The following HPS1 variants were observed in gnomAD, a reference collection of about 807,000 sequenced individuals.
HPS1 encodes BLOC-3 complex member HPS1.
In HPS1, 59 loss-of-function variants were observed where a neutral mutation model predicts 90.6. The observed-to-expected ratio is 0.65, with a 90% confidence interval of 0.53 to 0.81. HPS1 has a LOEUF of 0.81. Ranked by LOEUF, HPS1 falls within the 30% of genes least tolerant of loss-of-function variation. The pLI, the probability that HPS1 is intolerant of heterozygous loss-of-function variation, is 0.00. For synonymous variants in HPS1, 388 were observed against 384.4 expected, an observed-to-expected ratio of 1.01 and a Z score of -0.11; for missense variants, 849 against 896.7, an observed-to-expected ratio of 0.95 and a Z score of 0.68.
At position 98,435,382 on chromosome 10, in the gene HPS1, A is replaced by C; in HGVS notation, c.288T>G (p.Gly96=). Residue 96 remains glycine (G), a synonymous_variant, in exon 5 of 20, where the codon GGT becomes GGG. Transcript: ENST00000361490. The surrounding 1 kb of genome is among the most constrained non-coding windows in gnomAD (Gnocchi z 4.3). ...GGTCCCCCTCGCTCTCGGTGTGGTC[A>C]CCATTGATGGCAATGAACAGGCATT... The part of the protein sequence containing the change: ...FGECLFIAIN[G]DHTESEGDLR... 2 of 1,613,826 alleles carry C rather than the reference A, an allele frequency of 1.2e-6. No individual in the cohort carries two copies. The highest frequency in any genetic ancestry group is 1.7e-6 in the Non-Finnish European group (2 of 1,179,972).
intron 7 of HPS1, 36 bp from the exon 8 acceptor site, chr10:98,430,706 T>C (rs1175999146): frequency 1.3e-6 from 2 of 1,518,096 alleles, no homozygotes; most frequent in South Asian, 1.2e-5. Context: ...CATCAGCACA[T>C]GCCCAGCAGG....
chr10:98,415,258 G>A (rs1843972947), downstream of HPS1: 2 of 1,291,712 alleles, frequency 1.5e-6, no homozygotes, highest in Admixed American at 2.4e-5. Flanking sequence ...CCCCCTCCAG[G>A]CCCCCTCCAC....
chr10:98,443,166 ACT>A lies in HPS1; in HGVS notation c.73_74del (p.Leu26ProfsTer10). Reference sequence around the variant, plus strand: ...CTGACTGCCCGAACTTCAGCCGGAGACTCTCTTCAAACTCCTGATCTGTCCAG... The same window carrying A: ...CTGACTGCCCGAACTTCAGCCGGAGACTCTTCAAACTCCTGATCTGTCCAG... ...FYWTDQEFEE[S>X]LRLKFGQSEN... On this transcript the variant is annotated frameshift_variant, in exon 3 of 20. Coordinates refer to ENST00000361490, the MANE Select transcript of HPS1 (RefSeq NM_000195.5). LOFTEE classifies it high-confidence loss of function. 6.2e-7 allele frequency: 1 copy of A among 1,613,210 alleles called. No individual in the cohort carries two copies. Among genetic ancestry groups the A allele is most frequent in the Non-Finnish European group, 8.5e-7 (1 of 1,179,794 alleles).
chr10:98,442,199 C>T (rs1213159731), intron 3 of HPS1, among the ~76,000 whole-genome samples: 1 of 152,148 alleles, frequency 6.6e-6, no homozygotes, highest in Non-Finnish European at 1.5e-5. Context: ...AATAATTATG[C>T]TGAGTGAAAG....
At chr10:98,434,159 G>T in intron 5 of HPS1, 68 bp from the exon 6 acceptor site, 1 of 1,466,218 alleles carries the variant, frequency 6.8e-7, no homozygotes, top group African/African-American at 1.4e-5. Context: ...CCCAACCAAA[G>T]GACCACAGTC....
downstream of HPS1, among the ~76,000 whole-genome samples, chr10:98,415,673 G>A (rs569114665): frequency 5.3e-5 from 8 of 152,362 alleles, no homozygotes; most frequent in African/African-American, 1.2e-4. Flanking sequence ...CGCCCAGGGC[G>A]GCCATCTAGC....
Position 98,421,135 on chromosome 10 carries a change from A to G in HPS1, c.1744-977T>C, listed in dbSNP as rs567940452. Among the ~76,000 whole-genome samples the G allele has an allele frequency of 1.1e-4, 16 of 152,244 alleles. No homozygotes were observed. The South Asian group carries it at 3.3e-3, about 32-fold the overall frequency. ...AGAGACTCGAGGAGCCCTCTCCTCT[A>G]CCCTTAACGGGAGGGACAGGCGATC... On this transcript the variant is annotated intron_variant, in intron 17 of 19. Coordinates refer to ENST00000361490, the MANE Select transcript of HPS1 (RefSeq NM_000195.5).
intron 3 of HPS1, among the ~76,000 whole-genome samples, chr10:98,438,387 A>T (rs1937763172): frequency 6.6e-6 from 1 of 152,228 alleles, no homozygotes; most frequent in African/African-American, 2.4e-5. Context: ...TGGACAATGA[A>T]GTCCAGGCTG....
chr10:98,434,284 C>T (rs10883095), intron 5 of HPS1, among the ~76,000 whole-genome samples, 193 bp from the exon 6 acceptor site: 1 of 151,856 alleles, frequency 6.6e-6, no homozygotes. Context: ...GGCACGGAGC[C>T]GGAAGGCAGG....
At chr10:98,423,956 C>T in intron 14 of HPS1, 69 bp from the exon 15 acceptor site, 1 of 1,585,354 alleles carries the variant, frequency 6.3e-7, no homozygotes, top group South Asian at 1.1e-5. Flanking sequence ...GTGTGGACCA[C>T]CTTGTTCCTG....
At chr10:98,433,870 T>C in intron 6 of HPS1, 113 bp downstream of exon 6, 3 of 1,446,568 alleles carry the variant, frequency 2.1e-6, no homozygotes, top group Non-Finnish European at 2.8e-6. Flanking sequence ...ATACACGAGT[T>C]TCAGGGGCTG....
At chr10:98,423,969 C>T in intron 14 of HPS1, 82 bp from the exon 15 acceptor site, 4 of 1,561,478 alleles carry the variant, frequency 2.6e-6, no homozygotes, top group Non-Finnish European at 3.5e-6. Context: ...TGTTCCTGCA[C>T]CCAGGACAGA....
At chr10:98,424,738 G>A (rs1845372503) in intron 13 of HPS1, among the ~76,000 whole-genome samples, 1 of 152,138 alleles carries the variant, frequency 6.6e-6, no homozygotes, top group African/African-American at 2.4e-5. Context: ...GGAGGGTATG[G>A]GGTGGGCATG....
At chr10:98,426,745 AGTGTGTGTGTGTGT>A (rs58431822) in intron 11 of HPS1, among the ~76,000 whole-genome samples, 1 of 147,806 alleles carries the variant, frequency 6.8e-6, no homozygotes, top group Non-Finnish European at 1.5e-5. Flanking sequence ...GTACATATGT[AGTGTGTGTGTGTGT>A]GTGTGTGTGT....
rs548033666 is a variant in HPS1 at position 98,430,659 on chromosome 10, C to A, written c.680G>T (p.Ser227Ile). ...AAGCAGGTCGGCCGGGCGCAGGGAGCTGGCACTGTGGCTGCAGACACAGGA... is the reference window on the plus strand; with the variant it reads ...AAGCAGGTCGGCCGGGCGCAGGGAGATGGCACTGTGGCTGCAGACACAGGA... ...LLAFYSSHSA[S>I]SLRPADLLAL... is the part of the protein sequence containing the mutation. Residue 227 changes from serine to isoleucine, a missense_variant, in exon 8 of 20, where the codon AGC becomes ATC. Coordinates refer to ENST00000361490, the MANE Select transcript of HPS1 (RefSeq NM_000195.5). The A allele has an allele frequency of 2.6e-4, 411 of 1,553,084 alleles. 1 individual carries two copies. In the African/African-American group the frequency reaches 5.0e-3, roughly 19 times the overall value.
At position 98,435,499 on chromosome 10, in the gene HPS1, G is replaced by GCT. The variant is rs1443293582; in HGVS notation, c.256-87_256-86dup. On this transcript the variant is annotated intron_variant, in intron 4 of 19. Transcript: ENST00000361490. The surrounding 1 kb of genome is among the most constrained non-coding windows in gnomAD (Gnocchi z 4.3). Reference sequence around the variant, plus strand: ...GGTCTCTGCAGACAAGCCAGGGGAGGCTCGGGTCCCAGGCGGGTTTGATAA... The same window carrying GCT: ...GGTCTCTGCAGACAAGCCAGGGGAGGCTCTCGGGTCCCAGGCGGGTTTGATAA... The GCT allele has an allele frequency of 5.0e-6, 8 of 1,610,220 alleles. No homozygotes were observed. The African/African-American group carries it at 1.1e-4, about 22-fold the overall frequency.
intron 16 of HPS1, 102 bp from the exon 17 acceptor site, chr10:98,422,615 G>C: frequency 5.1e-6 from 6 of 1,186,416 alleles, no homozygotes; most frequent in Non-Finnish European, 7.5e-6. Flanking sequence ...GGAGGGCCAG[G>C]ACTGCCTCTT....
chr10:98,422,365 TTACC>T lies in HPS1; in HGVS notation c.1743_1743+3del. The T allele has an allele frequency of 6.2e-7, 1 of 1,602,774 alleles. No individual in the cohort carries two copies. The highest frequency in any genetic ancestry group is 8.5e-7 in the Non-Finnish European group (1 of 1,172,310). ...CCATCCCCGCCCTGGGTCCAAATGG[TTACC>T]TTAGTTTTGACAAAGGCAGCCAGCG... On this transcript the variant is annotated splice_donor_variant and splice_donor_region_variant and coding_sequence_variant and intron_variant, in exon 17 of 20. Transcript: ENST00000361490. LOFTEE classifies it high-confidence loss of function.
Position 98,429,266 on chromosome 10 carries a change from A to T in HPS1, c.937+307T>A, listed in dbSNP as rs148588233. The T allele has an allele frequency of 4.9e-6, 6 of 1,223,104 alleles. No individual in the cohort carries two copies. The African/African-American group carries it at 6.1e-5, about 13-fold the overall frequency. The allele number at this position is 1,223,104 out of a possible 1,614,324, so 75.8% of individuals were successfully genotyped here. The stretch of plus-strand genomic sequence containing the variant: ...AATTAGATGATTATTACTAAATTTA[A>T]CTTAATTTTTAATTTTAATTACAAA... On this transcript the variant is annotated intron_variant, in intron 10 of 19. Coordinates refer to ENST00000361490, the MANE Select transcript of HPS1 (RefSeq NM_000195.5).
Sources: allele counts gnomAD v4.1 joint callset (sites outside exome capture counted in the v4.1 genomes callset), GRCh38; gene constraint gnomAD v4.1.1; non-coding constraint Gnocchi (gnomAD v3.1); transcripts MANE v1.5; gene names NCBI Gene and HGNC (gene_info 2026-07-23, HGNC 2026-07-21).